Variants in DPY19L1 observed in about 807,000 individuals in gnomAD.
DPY19L1 encodes protein C-mannosyl-transferase DPY19L1.
A neutral mutation model predicts 96.9 loss-of-function variants in DPY19L1; 35 were observed. The observed-to-expected ratio is 0.36, with a 90% CI of 0.28 to 0.48. DPY19L1 has a LOEUF of 0.48. Ranked by LOEUF, DPY19L1 falls within the 20% of genes least tolerant of loss-of-function variation. DPY19L1 has a pLI of 0.99. For missense variants in DPY19L1, 521 were observed against 777.9 expected (o/e 0.67, Z 3.93); for synonymous variants, 205 against 252.6 (o/e 0.81, Z 1.79).
At chr7:34,936,528 T>A (rs1308626109) in intron 21 of DPY19L1, among the ~76,000 whole-genome samples, 5 of 152,250 alleles carry the variant, frequency 3.3e-5, no homozygotes, top group Admixed American at 1.3e-4. Flanking sequence ...TGCTAAGAAC[T>A]GAGTTCTTCC....
intron 6 of DPY19L1, among the ~76,000 whole-genome samples, chr7:35,009,183 CA>C (rs1319591347): frequency 1.3e-5 from 2 of 152,318 alleles, no homozygotes; most frequent in East Asian, 3.9e-4. Flanking sequence ...GCTAGATACT[CA>C]AACGGTGGGC....
chr7:34,993,189 A>T (rs1785210586), intron 6 of DPY19L1, among the ~76,000 whole-genome samples: 1 of 152,158 alleles, frequency 6.6e-6, no homozygotes, highest in African/African-American at 2.4e-5. Flanking sequence ...TTTCTTCTGC[A>T]CTTCCTGTCT....
chr7:34,943,242 T>C, intron 16 of DPY19L1, among the ~76,000 whole-genome samples: 1 of 152,200 alleles, frequency 6.6e-6, no homozygotes, highest in Non-Finnish European at 1.5e-5. Flanking sequence ...ATTAGCAAAC[T>C]CAGGACACAT....
chr7:34,959,923 ATT>A (rs1484287684), intron 10 of DPY19L1, among the ~76,000 whole-genome samples: 42 of 22,806 alleles, frequency 1.8e-3, no homozygotes, highest in East Asian at 5.1e-3. Context: ...ATATATATAT[ATT>A]TATATATATA....
intron 6 of DPY19L1, among the ~76,000 whole-genome samples, chr7:34,998,098 C>G (rs796841371): frequency 1.4e-4 from 21 of 152,276 alleles, no homozygotes; most frequent in African/African-American, 4.8e-4. Context: ...ATCAGAGAAA[C>G]CACTCTGAAC....
intron 18 of DPY19L1, among the ~76,000 whole-genome samples, chr7:34,941,400 A>G (rs1784011420): frequency 2.6e-5 from 4 of 152,380 alleles, no homozygotes; most frequent in Admixed American, 2.0e-4. Context: ...TACTAAAAAA[A>G]GAACATATAA....
At chr7:34,989,773 T>C (rs1387020193) in intron 7 of DPY19L1, 111 bp downstream of exon 7, 2 of 937,432 alleles carry the variant, frequency 2.1e-6, no homozygotes, top group Non-Finnish European at 3.1e-6. Context: ...TGTTTAAATT[T>C]TGAATCAAAA....
intron 6 of DPY19L1, among the ~76,000 whole-genome samples, chr7:34,990,342 G>C (rs1562818641): frequency 6.6e-6 from 1 of 152,066 alleles, no homozygotes; most frequent in Non-Finnish European, 1.5e-5. Context: ...TAGGAAAAAG[G>C]GAGAGAAAGA....
intron 7 of DPY19L1, among the ~76,000 whole-genome samples, chr7:34,981,601 C>T (rs905817795): frequency 4.6e-5 from 7 of 152,172 alleles, no homozygotes; most frequent in African/African-American, 1.7e-4. Flanking sequence ...TTGCATGCCT[C>T]CAGAGGTAAT....
chr7:34,949,183 TTTAC>T (rs1463322577), intron 14 of DPY19L1, among the ~76,000 whole-genome samples: 1 of 152,170 alleles, frequency 6.6e-6, no homozygotes, highest in Non-Finnish European at 1.5e-5. Context: ...TATTTAAATA[TTTAC>T]TTATTTAAAA....
intron 21 of DPY19L1, among the ~76,000 whole-genome samples, chr7:34,936,190 T>C (rs936711678): frequency 6.6e-5 from 10 of 152,356 alleles, no homozygotes; most frequent in Admixed American, 2.6e-4. Context: ...TTGTTTAGTG[T>C]GCAAAGTTTA....
At chr7:34,955,246 T>A in intron 12 of DPY19L1, 62 bp downstream of exon 12, 2 of 1,541,568 alleles carry the variant, frequency 1.3e-6, no homozygotes, top group Non-Finnish European at 1.8e-6. Flanking sequence ...AAGTAAAACA[T>A]AAAACCAATG....
rs562473629 is a variant in DPY19L1, at chr7:35,022,244, AT to A, written c.299-3649del. ...TCTAAGGAACCAAGATAAATATGGC[AT>A]TTTAAAAAATCAGAACATAAAATAT... On this transcript the variant is annotated intron_variant, in intron 1 of 21. Transcript: ENST00000638088. Among the ~76,000 whole-genome samples the A allele has an allele frequency of 5.9e-5, 9 of 152,312 alleles. No individual in the cohort carries two copies. The South Asian group carries it at 1.9e-3, about 32-fold the overall frequency.
At chr7:34,953,021 G>A (rs1029512805) in intron 13 of DPY19L1, among the ~76,000 whole-genome samples, 1 of 152,064 alleles carries the variant, frequency 6.6e-6, no homozygotes, top group African/African-American at 2.4e-5. Flanking sequence ...TTTGAAGGGG[G>A]CAGGACCGAG....
intron 3 of DPY19L1, among the ~76,000 whole-genome samples, chr7:35,015,150 T>G (rs1290765630): frequency 6.6e-6 from 1 of 152,222 alleles, no homozygotes; most frequent in Non-Finnish European, 1.5e-5. Context: ...TTCCTTCTTT[T>G]GTAGGTTTGA....
intron 7 of DPY19L1, among the ~76,000 whole-genome samples, chr7:34,982,361 C>T (rs776651073): frequency 3.3e-5 from 5 of 152,124 alleles, no homozygotes; most frequent in Admixed American, 6.5e-5. Context: ...ATCTGCAGCT[C>T]ATTTTCAAAC....
Position 34,931,466 on chromosome 7 carries a change from A to G in DPY19L1, c.*107T>C. The G allele has an allele frequency of 7.6e-7, 1 of 1,314,088 alleles. No individual in the cohort carries two copies. The highest frequency in any genetic ancestry group is 2.5e-5 in the South Asian group (1 of 39,890). The allele number at this position is 1,314,088 out of a possible 1,614,324, so 81.4% of individuals were successfully genotyped here. A position where few individuals can be genotyped will look rare whatever the true frequency, so the allele number is the denominator to read the frequency against. Reference sequence around the variant, plus strand: ...GACCAAATAAAACGTTTTCTATTTGAAAACAGTTACCTATAAAAGTTTTTG... The same window carrying G: ...GACCAAATAAAACGTTTTCTATTTGGAAACAGTTACCTATAAAAGTTTTTG... On this transcript the variant is annotated 3_prime_UTR_variant, in exon 22 of 22. Coordinates refer to ENST00000638088, the MANE Select transcript of DPY19L1 (RefSeq NM_001366673.1).
In DPY19L1 at chr7:34,994,022, C is replaced by T. The variant is rs575367259; in HGVS notation, c.765-4081G>A. Reference sequence around the variant, plus strand: ...TGGAGGCTACAATAAGCTGAGATTGCGCCGTGGCACTCCAGCCTGGGTGAC... The same window carrying T: ...TGGAGGCTACAATAAGCTGAGATTGTGCCGTGGCACTCCAGCCTGGGTGAC... On this transcript the variant is annotated intron_variant, in intron 6 of 21. Transcript: ENST00000638088. Among the ~76,000 whole-genome samples, 50 of 152,162 alleles carry T rather than the reference C, an allele frequency of 3.3e-4. No individual in the cohort carries two copies. In the Middle Eastern group the frequency reaches 0.01, roughly 31 times the overall value.
chr7:34,940,145 T>C lies in DPY19L1; in HGVS notation c.1864+8A>G. ...ATATGACTTTTTTTTTCTTTTTTTT[T>C]TTTTTACCTGGTTTAGTACTATATT... On this transcript the variant is annotated splice_region_variant and intron_variant, in intron 19 of 21. Coordinates refer to ENST00000638088, the MANE Select transcript of DPY19L1 (RefSeq NM_001366673.1). 6.8e-7 allele frequency: 1 copy of C among 1,470,050 alleles called. No individual in the cohort carries two copies. Among genetic ancestry groups the C allele is most frequent in the Non-Finnish European group, 9.0e-7 (1 of 1,117,114 alleles). 91.1% of individuals were successfully genotyped at this position (1,470,050 alleles called of 1,614,324 possible). A position where few individuals can be genotyped will look rare whatever the true frequency, so the allele number is the denominator to read the frequency against.
Sources: allele counts gnomAD v4.1 joint callset (sites outside exome capture counted in the v4.1 genomes callset), GRCh38; gene constraint gnomAD v4.1.1; transcripts MANE v1.5; gene names NCBI Gene and HGNC (gene_info 2026-07-23, HGNC 2026-07-21).